Variants in SIRPG observed in about 807,000 individuals in gnomAD.
The protein encoded by SIRPG is signal regulatory protein gamma.
SIRPG carries 38 observed loss-of-function variants against 35.7 expected under a neutral mutation model. The observed-to-expected ratio is 1.06, with a 90% CI of 0.82 to 1.40. SIRPG has a LOEUF of 1.40. Ranked by LOEUF, SIRPG falls within the 40% of genes most tolerant of loss-of-function variation. The pLI, the probability that SIRPG is intolerant of heterozygous loss-of-function variation, is 0.00. For missense variants in SIRPG, 519 were observed against 483.0 expected (o/e 1.07, Z -0.70); for synonymous variants, 215 against 190.4 (o/e 1.13, Z -1.06).
chr20:1,649,102 G>A lies in SIRPG; in HGVS notation c.380C>T (p.Pro127Leu). Residue 127 changes from proline to leucine, a missense_variant, in exon 2 of 6, where the codon CCT becomes CTT. Physicochemically the swap from Pro to Leu is moderately conservative, Grantham distance 98 (BLOSUM62 -3). Transcript: ENST00000303415. ...YYCVKFRKGS[P>L]ENVEFKSGPG... ...TCCAGACTTAAACTCCACGTTCTCA[G>A]GGCTCCCTTTTCGAAACTTCACACA... The A allele has an allele frequency of 6.2e-7, 1 of 1,613,880 alleles. No individual in the cohort carries two copies. The highest frequency in any genetic ancestry group is 1.1e-5 in the South Asian group (1 of 91,074).
upstream of SIRPG, among the ~76,000 whole-genome samples, chr20:1,662,618 C>G (rs776030056): frequency 6.6e-6 from 1 of 152,210 alleles, no homozygotes; most frequent in Non-Finnish European, 1.5e-5. Context: ...CTTCCTGCTA[C>G]ATTTCTAACT....
intron 2 of SIRPG, among the ~76,000 whole-genome samples, chr20:1,639,565 G>A (rs2091834520): frequency 6.6e-6 from 1 of 152,136 alleles, no homozygotes; most frequent in South Asian, 2.1e-4. Flanking sequence ...CTCCCATTCT[G>A]TAGGTTGCCT....
the SIRPG span, among the ~76,000 whole-genome samples, chr20:1,662,983 A>C: frequency 6.6e-6 from 1 of 152,012 alleles, no homozygotes; most frequent in African/African-American, 2.4e-5. Flanking sequence ...GTTTTGGGGA[A>C]GACTCAGAGG....
the SIRPG span, among the ~76,000 whole-genome samples, chr20:1,684,281 C>T: frequency 6.6e-6 from 1 of 151,972 alleles, no homozygotes; most frequent in South Asian, 2.1e-4. Flanking sequence ...AGTATATATG[C>T]TTTTCTCAAA....
chr20:1,639,464 G>A (rs2091833060), intron 2 of SIRPG, among the ~76,000 whole-genome samples: 2 of 151,894 alleles, frequency 1.3e-5, no homozygotes, highest in Admixed American at 6.6e-5. Flanking sequence ...TTTTTGATGG[G>A]GTTGTTTGTT....
At chr20:1,638,189 T>C (rs1056757801) in intron 2 of SIRPG, among the ~76,000 whole-genome samples, 1 of 152,146 alleles carries the variant, frequency 6.6e-6, no homozygotes, top group Admixed American at 6.5e-5. Flanking sequence ...CTTTATTGCC[T>C]TGAGGGGGTC....
chr20:1,648,542 G>T (rs2122538289), intron 2 of SIRPG: 1 of 152,326 alleles, frequency 6.6e-6, no homozygotes, highest in East Asian at 1.9e-4. Flanking sequence ...AAGAGCTATT[G>T]GCTGTTTCAT....
At chr20:1,684,309 T>C in the SIRPG span, among the ~76,000 whole-genome samples, 45 of 152,300 alleles carry the variant, frequency 3.0e-4, no homozygotes, top group African/African-American at 1.0e-3. Flanking sequence ...AAAATACATT[T>C]CTTTTCTGAG....
At chr20:1,676,766 T>C in the SIRPG span, 49 of 214,834 alleles carry the variant, frequency 2.3e-4, no homozygotes, top group Non-Finnish European at 1.9e-5. Flanking sequence ...CCAGCTCCTC[T>C]GAACCACTGG....
intron 2 of SIRPG, among the ~76,000 whole-genome samples, chr20:1,640,096 C>T (rs973387824): frequency 3.9e-5 from 6 of 152,026 alleles, no homozygotes; most frequent in Non-Finnish European, 7.4e-5. Flanking sequence ...ATTGTCTTGG[C>T]TATACGGGCT....
intron 1 of SIRPG, among the ~76,000 whole-genome samples, chr20:1,656,063 G>T (rs1265787203): frequency 6.6e-6 from 1 of 152,178 alleles, no homozygotes; most frequent in Admixed American, 6.5e-5. Flanking sequence ...TTGGCACATA[G>T]AAACCATCCA....
intron 3 of SIRPG, among the ~76,000 whole-genome samples, chr20:1,635,951 G>T (rs775309249): frequency 4.6e-5 from 7 of 152,218 alleles, no homozygotes; most frequent in Non-Finnish European, 8.8e-5. Context: ...AATAGTAGTT[G>T]TTCTTGGTGA....
In SIRPG at chr20:1,636,256, T is replaced by C; in HGVS notation, c.680A>G (p.Glu227Gly). The C allele has an allele frequency of 1.2e-6, 2 of 1,614,192 alleles. No homozygotes were observed. The highest frequency in any genetic ancestry group is 1.7e-6 in the Non-Finnish European group (2 of 1,180,012). ...CCCCTGCAAGGTGACATGGGCCACCTCGCAGATGACCTGAGAGCGAACGTC... is the reference window on the plus strand; with the variant it reads ...CCCCTGCAAGGTGACATGGGCCACCCCGCAGATGACCTGAGAGCGAACGTC... ...PWDVRSQVICEVAHVTLQGDP... is the reference protein window; with the variant it reads ...PWDVRSQVICGVAHVTLQGDP... The change falls in exon 3 of 6, where the codon GAG becomes GGG. Residue 227 changes from glutamate to glycine, a missense_variant. Physicochemically the swap from Glu to Gly is moderately conservative, Grantham distance 98 (BLOSUM62 -2). Transcript: ENST00000303415.
At chr20:1,660,634 G>A (rs1476491466), upstream of SIRPG, among the ~76,000 whole-genome samples, 1 of 152,146 alleles carries the variant, frequency 6.6e-6, no homozygotes, top group African/African-American at 2.4e-5. Flanking sequence ...TGGAAATCAC[G>A]TGGAGAATTG....
At chr20:1,635,214 T>C in intron 4 of SIRPG, 53 bp downstream of exon 4, 1 of 1,417,190 alleles carries the variant, frequency 7.1e-7, no homozygotes, top group South Asian at 1.3e-5. Context: ...GTGTGGATAT[T>C]ACTTTTAAAA....
At chr20:1,634,018 C>T (rs1256200470) in intron 4 of SIRPG, among the ~76,000 whole-genome samples, 1 of 152,202 alleles carries the variant, frequency 6.6e-6, no homozygotes, top group East Asian at 1.9e-4. Context: ...TTCCCAAGTC[C>T]TAGTTTCCCC....
intron 1 of SIRPG, among the ~76,000 whole-genome samples, chr20:1,651,870 A>T (rs755718735): frequency 6.6e-6 from 1 of 152,174 alleles, no homozygotes; most frequent in Non-Finnish European, 1.5e-5. Flanking sequence ...AGAGCACAGG[A>T]TGTTATAGCA....
intron 1 of SIRPG, chr20:1,651,448 C>G (rs2122559825): frequency 6.6e-6 from 1 of 152,314 alleles, no homozygotes; most frequent in East Asian, 2.0e-4. Context: ...TCTTGCTTCC[C>G]CATCTGCTTG....
the SIRPG span, chr20:1,676,756 C>A: frequency 4.8e-6 from 1 of 209,248 alleles, no homozygotes; most frequent in Non-Finnish European, 9.9e-6. Flanking sequence ...GTGGCCTGGT[C>A]CAGCTCCTCT....
Sources: allele counts gnomAD v4.1 joint callset (sites outside exome capture counted in the v4.1 genomes callset), GRCh38; gene constraint gnomAD v4.1.1; transcripts MANE v1.5; gene names NCBI Gene and HGNC (gene_info 2026-07-23, HGNC 2026-07-21).